ESR1: variants seen among roughly 807,000 people sequenced by gnomAD.
ESR1 encodes the protein estrogen receptor.
Under a neutral mutation model 52.7 loss-of-function variants are expected in ESR1, and 12 were observed. The ratio of observed to expected loss-of-function variants is 0.23; its 90% confidence interval spans 0.15 to 0.37. The LOEUF (loss-of-function observed/expected upper bound fraction) is 0.37. Among genes scored for constraint, ESR1 ranks in the 10% least tolerant of loss-of-function variants. The pLI is 1.00. For synonymous variants in ESR1, 305 were observed against 316.8 expected, an observed-to-expected ratio of 0.96 and a Z score of 0.39; for missense variants, 584 against 779.7, an observed-to-expected ratio of 0.75 and a Z score of 2.99.
chr6:152,064,923 A>C (rs538550095), intron 6 of ESR1, among the ~76,000 whole-genome samples: 2 of 152,312 alleles, frequency 1.3e-5, no homozygotes, highest in Admixed American at 1.3e-4. Flanking sequence ...TAAATGGAAA[A>C]AGCAAGACCC....
chr6:151,685,520 G>A (rs908293746), upstream of ESR1, among the ~76,000 whole-genome samples: 3 of 152,206 alleles, frequency 2.0e-5, no homozygotes, highest in East Asian at 1.9e-4. Context: ...TAAACTACCC[G>A]AAGGGCCAGC....
chr6:151,996,826 T>G (rs922182021), intron 4 of ESR1, among the ~76,000 whole-genome samples: 1 of 152,128 alleles, frequency 6.6e-6, no homozygotes, highest in Non-Finnish European at 1.5e-5. Context: ...ATATATTGAT[T>G]TAACTGAGCA....
At position 151,871,748 on chromosome 6, in the gene ESR1, A is replaced by C. The variant is rs555747364; in HGVS notation, c.644-8907A>C. Among the ~76,000 whole-genome samples the C allele has an allele frequency of 1.1e-4, 16 of 152,156 alleles. No homozygotes were observed. The East Asian group carries it at 2.7e-3, about 26-fold the overall frequency. On this transcript the variant is annotated intron_variant, in intron 2 of 7. Coordinates refer to ENST00000206249, the MANE Select transcript of ESR1 (RefSeq NM_000125.4). ...CAATGACTCCAAGTTCCCCTTCCCC[A>C]CATCTCCTGCTGACCTCTCTTCTAC... is the stretch of plus-strand genomic sequence containing the variant.
intron 4 of ESR1, among the ~76,000 whole-genome samples, chr6:151,953,214 A>G (rs2036513879): frequency 6.6e-6 from 1 of 152,176 alleles, no homozygotes; most frequent in Admixed American, 6.5e-5. Flanking sequence ...ATCCCCAAAC[A>G]GTGGTATATT....
At chr6:151,805,946 G>T (rs762698224), upstream of ESR1, 2 of 152,174 alleles carry the variant, frequency 1.3e-5, no homozygotes, top group Non-Finnish European at 2.9e-5. Context: ...GTATGTGTGT[G>T]TCTCCTTTTT....
At chr6:152,000,681 A>G (rs920113654) in intron 4 of ESR1, among the ~76,000 whole-genome samples, 2 of 152,020 alleles carry the variant, frequency 1.3e-5, no homozygotes, top group African/African-American at 4.8e-5. Flanking sequence ...TGTATCTAAG[A>G]AAAGACACCT....
Position 152,098,918 on chromosome 6 carries a change from A to AAAG in ESR1, c.1741_1743dup (p.Lys581dup). ...GCTCTACTTCATCGCATTCCTTGCA[A>AAAG]AAGTATTACATCACGGGGGAGGCAG... On this transcript the variant is annotated inframe_insertion, in exon 8 of 8. Coordinates refer to ENST00000206249, the MANE Select transcript of ESR1 (RefSeq NM_000125.4). This position sits in a 1 kb window ranked among gnomAD's most constrained non-coding sequence, Gnocchi z 5.1. The AAAG allele has an allele frequency of 6.2e-7, 1 of 1,614,214 alleles. No homozygotes were observed. Among genetic ancestry groups the AAAG allele is most frequent in the Non-Finnish European group, 8.5e-7 (1 of 1,180,048 alleles).
chr6:151,756,883 G>A (rs536918608), intron 2 of ESR1, among the ~76,000 whole-genome samples: 14 of 152,226 alleles, frequency 9.2e-5, no homozygotes, highest in African/African-American at 3.1e-4. Context: ...CCAGCTACTC[G>A]GGAGGCTGAG....
intron 1 of ESR1, among the ~76,000 whole-genome samples, chr6:151,816,472 T>A (rs1185978331): frequency 2.6e-5 from 4 of 152,228 alleles, no homozygotes; most frequent in Non-Finnish European, 5.9e-5. Flanking sequence ...CTAGGGCTTA[T>A]AACATTCCTG....
intron 1 of ESR1, among the ~76,000 whole-genome samples, chr6:151,823,065 A>G (rs1025689520): frequency 1.3e-5 from 2 of 152,262 alleles, no homozygotes; most frequent in Non-Finnish European, 2.9e-5. Flanking sequence ...ATTTCAGTTA[A>G]ATAACAAATA....
rs2128155001 is a variant in ESR1, at chr6:151,807,881, C to A, written c.-32C>A. 1 of 1,599,334 alleles carries A rather than the reference C, an allele frequency of 6.3e-7. No homozygotes were observed. The highest frequency in any genetic ancestry group is 8.6e-7 in the Non-Finnish European group (1 of 1,168,380). On this transcript the variant is annotated 5_prime_UTR_variant, in exon 1 of 8. Transcript: ENST00000206249. ...TTCTGAGCCTTCTGCCCTGCGGGGA[C>A]ACGGTCTGCACCCTGCCCGCGGCCA...
chr6:152,030,962 C>T (rs1464211480), intron 5 of ESR1, among the ~76,000 whole-genome samples: 7 of 152,126 alleles, frequency 4.6e-5, no homozygotes, highest in Non-Finnish European at 1.0e-4. Flanking sequence ...TGCAATCAAA[C>T]TAGAACTCAG....
intron 2 of ESR1, among the ~76,000 whole-genome samples, chr6:151,758,678 T>C (rs956947585): frequency 6.6e-6 from 1 of 151,464 alleles, no homozygotes; most frequent in African/African-American, 2.4e-5. Flanking sequence ...GGAGAATTGC[T>C]TGAACCAGGC....
intron 3 of ESR1, among the ~76,000 whole-genome samples, chr6:151,888,535 GA>G (rs1175605627): frequency 6.6e-6 from 1 of 152,188 alleles, no homozygotes; most frequent in East Asian, 1.9e-4. Context: ...AAACTTTACT[GA>G]ATTTGTTTAT....
chr6:151,945,407 C>T (rs2035585883), intron 4 of ESR1, among the ~76,000 whole-genome samples: 1 of 152,172 alleles, frequency 6.6e-6, no homozygotes, highest in Non-Finnish European at 1.5e-5. Flanking sequence ...TAGAAAGACA[C>T]AGTGGCTGAA....
intron 2 of ESR1, among the ~76,000 whole-genome samples, chr6:151,775,528 ACAAGATCAGAAGATC>A (rs1785890203): frequency 1.3e-5 from 2 of 152,098 alleles, no homozygotes; most frequent in South Asian, 4.1e-4. Flanking sequence ...CGGGCGGATC[ACAAGATCAGAAGATC>A]GAGACCATCC....
chr6:152,099,359 G>T lies in ESR1; in HGVS notation c.*393G>T, dbSNP rs1370801823. The T allele has an allele frequency of 5.5e-6, 2 of 361,174 alleles. No individual in the cohort carries two copies. Among genetic ancestry groups the T allele is most frequent in the African/African-American group, 2.0e-5 (1 of 49,944 alleles). 22.4% of individuals were successfully genotyped at this position (361,174 alleles called of 1,614,324 possible). A position where few individuals can be genotyped will look rare whatever the true frequency, so the allele number is the denominator to read the frequency against. On this transcript the variant is annotated 3_prime_UTR_variant, in exon 8 of 8. Transcript: ENST00000206249. ...TGCCTCTGATAAGCACTTTTTAAAT[G>T]GCTCTAAGAATAAGCCACAGCAAAG...
chr6:151,831,940 C>T (rs904507389), intron 1 of ESR1, among the ~76,000 whole-genome samples: 2 of 152,132 alleles, frequency 1.3e-5, no homozygotes, highest in African/African-American at 4.8e-5. Flanking sequence ...AACGTTCTCC[C>T]TAGATGATTT....
rs2050953116 is a variant in ESR1, at chr6:152,101,141, T to C, written c.*2175T>C. On this transcript the variant is annotated 3_prime_UTR_variant, in exon 8 of 8. Transcript: ENST00000206249. Reference sequence around the variant, plus strand: ...ATTTAAATGAAGATCACATTTCATATCAACTTTTGTATCCACAGTAGACAA... The same window carrying C: ...ATTTAAATGAAGATCACATTTCATACCAACTTTTGTATCCACAGTAGACAA... 1 of 230,134 alleles carries C rather than the reference T, an allele frequency of 4.3e-6. No individual in the cohort carries two copies. The highest frequency in any genetic ancestry group is 2.2e-5 in the African/African-American group (1 of 45,052). 14.3% of individuals were successfully genotyped at this position (230,134 alleles called of 1,614,324 possible).
Sources: allele counts gnomAD v4.1 joint callset (sites outside exome capture counted in the v4.1 genomes callset), GRCh38; gene constraint gnomAD v4.1.1; non-coding constraint Gnocchi (gnomAD v3.1); transcripts MANE v1.5; gene names NCBI Gene and HGNC (gene_info 2026-07-23, HGNC 2026-07-21).